The following ANKH variants were observed in gnomAD, a reference collection of about 807,000 sequenced individuals.
ANKH encodes the protein mineralization regulator ANKH.
ANKH carries 15 observed loss-of-function variants against 49.0 expected under a neutral mutation model. That is an observed-to-expected ratio of 0.31 (90% CI 0.20 to 0.47). The LOEUF (loss-of-function observed/expected upper bound fraction) is 0.47, where lower values mean the gene tolerates loss of function less well. ANKH is among the 20% of genes least tolerant of loss of function. ANKH has a pLI of 1.00. For synonymous variants in ANKH, 273 were observed against 260.0 expected, an observed-to-expected ratio of 1.05 and a Z score of -0.48; for missense variants, 429 against 652.0, an observed-to-expected ratio of 0.66 and a Z score of 3.72.
chr5:14,871,228 A>G, intron 1 of ANKH, 124 bp downstream of exon 1: 1 of 833,130 alleles, frequency 1.2e-6, no homozygotes, highest in Non-Finnish European at 2.0e-6. Context: ...GACAAGCTGC[A>G]CACCCGACCA....
chr5:14,756,045 C>T lies in ANKH; in HGVS notation c.433-101G>A, dbSNP rs1738874391. 3 of 989,724 alleles carry T rather than the reference C, an allele frequency of 3.0e-6. No individual in the cohort carries two copies. The East Asian group carries it at 7.7e-5, about 25-fold the overall frequency. The allele number at this position is 989,724 out of a possible 1,614,324, so 61.3% of individuals were successfully genotyped here. A position where few individuals can be genotyped will look rare whatever the true frequency, so the allele number is the denominator to read the frequency against. ...GCATTCCTGAAATACACTTTATACC[C>T]CCTCAAAGCCTTAGCAGCCCAGGTC... On this transcript the variant is annotated intron_variant, in intron 3 of 11. Coordinates refer to ENST00000284268, the MANE Select transcript of ANKH (RefSeq NM_054027.6).
intron 1 of ANKH, chr5:14,798,482 G>T: frequency 2.9e-6 from 3 of 1,023,498 alleles, no homozygotes; most frequent in Non-Finnish European, 4.1e-6. Flanking sequence ...CTCTGCGCAC[G>T]CGGTCTCTAT....
At chr5:14,740,448 C>T (rs1051305663) in intron 8 of ANKH, among the ~76,000 whole-genome samples, 1 of 152,004 alleles carries the variant, frequency 6.6e-6, no homozygotes, top group Admixed American at 6.6e-5. Flanking sequence ...GAACCGGCCC[C>T]GCTCAAACAG....
At chr5:14,712,997 A>G (rs754869124) in intron 10 of ANKH, 24 bp from the exon 11 acceptor site, 7 of 1,602,442 alleles carry the variant, frequency 4.4e-6, no homozygotes, top group Non-Finnish European at 6.0e-6. Flanking sequence ...CACAAAGGCA[A>G]TTTGTCTGTT....
At position 14,745,896 on chromosome 5, in the gene ANKH, G is replaced by A; in HGVS notation, c.889C>T (p.Arg297Cys). 1.2e-6 allele frequency: 2 copies of A among 1,614,208 alleles called. No homozygotes were observed. The highest frequency in any genetic ancestry group is 1.7e-6 in the Non-Finnish European group (2 of 1,180,026). The change falls in exon 7 of 12, where the codon CGT becomes TGT. Residue 297 changes from arginine (R) to cysteine (C), a missense_variant. Physicochemically the swap from Arg to Cys is radical, Grantham distance 180. Around this residue, in one of 2 missense-constraint regions of ANKH, gnomAD observed 378 missense variants for 615.3 expected, o/e 0.61. Transcript: ENST00000284268. The surrounding 1 kb of genome is among the most constrained non-coding windows in gnomAD (Gnocchi z 4.7). ...TTGTCGAAAGCAGGATACACAGCAC[G>A]GATTTCCGTCAACCAGCCGTATGGC... Reference protein sequence around the residue: ...HMPYGWLTEIRAVYPAFDKNN... With the variant: ...HMPYGWLTEICAVYPAFDKNN...
intron 8 of ANKH, 21 bp downstream of exon 8, chr5:14,741,806 A>C: frequency 6.3e-7 from 1 of 1,593,230 alleles, no homozygotes. Context: ...GAGAAGAGGC[A>C]GAGAGAGCCT....
intron 1 of ANKH, among the ~76,000 whole-genome samples, chr5:14,859,607 CAT>C (rs1223381696): frequency 1.9e-4 from 29 of 152,310 alleles, no homozygotes; most frequent in Admixed American, 3.3e-4. Flanking sequence ...TAACAATGCA[CAT>C]GTGTCATTTT....
At position 14,713,735 on chromosome 5, in the gene ANKH, C is replaced by G. The variant is rs1282189904; in HGVS notation, c.1142-68G>C. ...CACTCCCCATCCTGCTGCCTCTGGA[C>G]CAGGGCAGCACATCCGAGAGCCAGG... On this transcript the variant is annotated intron_variant, in intron 9 of 11. Transcript: ENST00000284268. The surrounding 1 kb of genome is among the most constrained non-coding windows in gnomAD (Gnocchi z 4.4). The G allele has an allele frequency of 6.2e-6, 10 of 1,609,108 alleles. No individual in the cohort carries two copies. In the East Asian group the frequency reaches 2.2e-4, roughly 36 times the overall value.
rs568095799 is a variant in ANKH, at chr5:14,831,534, G to A, written c.96+39818C>T. On this transcript the variant is annotated intron_variant, in intron 1 of 11. Transcript: ENST00000284268. ...CCATGATCCCCCTGGGGGACGACGG[G>A]GGGCCTTTACTGTATTTATAGCTGT... is the stretch of plus-strand genomic sequence containing the variant. Among the ~76,000 whole-genome samples, 7 of 152,142 alleles carry A rather than the reference G, an allele frequency of 4.6e-5. No individual in the cohort carries two copies. The South Asian group carries it at 6.2e-4, about 14-fold the overall frequency.
At position 14,710,454 on chromosome 5, in the gene ANKH, A is replaced by AACTG. The variant is rs1737124986; in HGVS notation, c.*739_*742dup. On this transcript the variant is annotated 3_prime_UTR_variant, in exon 12 of 12. Transcript: ENST00000284268. ...CATGTATATACACGGTGGGGGTGAG[A>AACTG]ACTGACAGCTTGCTCAGATCTAGGA... is the stretch of plus-strand genomic sequence containing the variant. 1 of 152,598 alleles carries AACTG rather than the reference A, an allele frequency of 6.6e-6. No homozygotes were observed. The highest frequency in any genetic ancestry group is 2.4e-5 in the African/African-American group (1 of 41,438). 9.5% of individuals were successfully genotyped at this position (152,598 alleles called of 1,614,324 possible).
chr5:14,819,502 T>C (rs1264495245), intron 1 of ANKH, among the ~76,000 whole-genome samples: 1 of 152,182 alleles, frequency 6.6e-6, no homozygotes, highest in Non-Finnish European at 1.5e-5. Flanking sequence ...ATCACCTTTA[T>C]TTCAGTCTGC....
intron 1 of ANKH, among the ~76,000 whole-genome samples, chr5:14,824,517 T>C (rs1208726150): frequency 2.0e-5 from 3 of 152,176 alleles, no homozygotes; most frequent in Non-Finnish European, 4.4e-5. Flanking sequence ...GTACCCTCAA[T>C]ATTGGTTCAT....
At chr5:14,775,418 T>C (rs1291261926) in intron 1 of ANKH, among the ~76,000 whole-genome samples, 1 of 152,126 alleles carries the variant, frequency 6.6e-6, no homozygotes, top group African/African-American at 2.4e-5. Flanking sequence ...AACAATATAC[T>C]GTAATAAAAG....
At chr5:14,786,045 C>CAA (rs71603742) in intron 1 of ANKH, among the ~76,000 whole-genome samples, 4,268 of 65,330 alleles carry the variant, frequency 0.065, 247 homozygotes, top group Non-Finnish European at 0.092. Context: ...GACTCTGTCT[C>CAA]AAAAAAAAAA....
At chr5:14,814,323 GGGTGT>G (rs1740969660) in intron 1 of ANKH, among the ~76,000 whole-genome samples, 1 of 152,238 alleles carries the variant, frequency 6.6e-6, no homozygotes, top group African/African-American at 2.4e-5. Flanking sequence ...TAAATAGGCT[GGGTGT>G]GGTGACACAC....
At chr5:14,769,615 A>G (rs764127262) in intron 1 of ANKH, among the ~76,000 whole-genome samples, 5 of 126,582 alleles carry the variant, frequency 4.0e-5, no homozygotes, top group Non-Finnish European at 5.0e-5. Flanking sequence ...TTTTCTTTAA[A>G]GAAGGGGTGG....
intron 3 of ANKH, among the ~76,000 whole-genome samples, chr5:14,757,084 GT>G (rs1738910673): frequency 6.6e-6 from 1 of 152,134 alleles, no homozygotes; most frequent in South Asian, 2.1e-4. Context: ...ATTCTTCTAT[GT>G]GTGTAGATTC....
chr5:14,822,967 G>T (rs914635830), intron 1 of ANKH, among the ~76,000 whole-genome samples: 75 of 151,848 alleles, frequency 4.9e-4, no homozygotes, highest in African/African-American at 1.7e-3. Context: ...CCGGAAGGCG[G>T]AGCTTGCAGT....
rs187483 is a variant in ANKH, at chr5:14,741,812, A to C, written c.1011+15T>G. The C allele has an allele frequency of 0.18, 284,308 of 1,599,500 alleles. 27,706 individuals are homozygous for C. The highest frequency in any genetic ancestry group is 0.27 in the African/African-American group (20,425 of 74,610). On this transcript the variant is annotated intron_variant, in intron 8 of 11. Transcript: ENST00000284268. ...CCAAACAGAGAGAAGAGGCAGAGAG[A>C]GCCTCTGTCCTTACCGTGAGTGACA...
Sources: allele counts gnomAD v4.1 joint callset (sites outside exome capture counted in the v4.1 genomes callset), GRCh38; gene constraint gnomAD v4.1.1; regional missense constraint gnomAD v4.1.1; non-coding constraint Gnocchi (gnomAD v3.1); transcripts MANE v1.5; gene names NCBI Gene and HGNC (gene_info 2026-07-23, HGNC 2026-07-21).